HMCN1: variants seen among roughly 807,000 people sequenced by gnomAD.
HMCN1 encodes hemicentin-1.
HMCN1 carries 321 observed loss-of-function variants against 625.9 expected under a neutral mutation model. The ratio of observed to expected loss-of-function variants is 0.51; its 90% confidence interval spans 0.47 to 0.56. The LOEUF (loss-of-function observed/expected upper bound fraction) is 0.56, where lower values mean the gene tolerates loss of function less well. Among genes scored for constraint, HMCN1 ranks in the 20% least tolerant of loss-of-function variants. HMCN1 has a pLI of 0.00. For missense variants in HMCN1, 6,588 were observed against 6,887.3 expected, an observed-to-expected ratio of 0.96 and a Z score of 1.54; for synonymous variants, 2,425 against 2,417.6, an observed-to-expected ratio of 1.00 and a Z score of -0.09.
chr1:186,070,211 T>G (rs1370102351), intron 51 of HMCN1, among the ~76,000 whole-genome samples: 1 of 152,222 alleles, frequency 6.6e-6, no homozygotes, highest in Non-Finnish European at 1.5e-5. Context: ...TTAATGGGAC[T>G]CATATTTCAG....
At chr1:185,899,542 G>A (rs1344657625) in intron 4 of HMCN1, among the ~76,000 whole-genome samples, 1 of 151,934 alleles carries the variant, frequency 6.6e-6, no homozygotes, top group African/African-American at 2.4e-5. Context: ...ATTTCTTAAG[G>A]ACTTCCCAGT....
intron 1 of HMCN1, among the ~76,000 whole-genome samples, chr1:185,741,577 G>C (rs1653995269): frequency 6.6e-6 from 1 of 152,170 alleles, no homozygotes; most frequent in South Asian, 2.1e-4. Flanking sequence ...CTAGCCCTGG[G>C]ACTCCAATGT....
chr1:185,981,704 C>G (rs1455172789), intron 17 of HMCN1, among the ~76,000 whole-genome samples: 1 of 152,068 alleles, frequency 6.6e-6, no homozygotes, highest in Non-Finnish European at 1.5e-5. Flanking sequence ...TACACGTTTT[C>G]CAAGTAAAAT....
chr1:186,098,870 A>T (rs911772690), intron 68 of HMCN1, among the ~76,000 whole-genome samples: 4 of 152,160 alleles, frequency 2.6e-5, no homozygotes, highest in African/African-American at 9.6e-5. Flanking sequence ...TCTGTCATTT[A>T]TGACAACATG....
At chr1:186,175,086 C>T (rs548177095) in intron 103 of HMCN1, among the ~76,000 whole-genome samples, 1 of 152,232 alleles carries the variant, frequency 6.6e-6, no homozygotes, top group South Asian at 2.1e-4. Context: ...TGGATAATTA[C>T]TTTATCATAT....
chr1:185,753,837 T>C (rs1239347250), intron 1 of HMCN1, among the ~76,000 whole-genome samples: 2 of 152,186 alleles, frequency 1.3e-5, no homozygotes, highest in African/African-American at 4.8e-5. Context: ...TGTAAATTAG[T>C]ATAACCATTA....
intron 63 of HMCN1, among the ~76,000 whole-genome samples, chr1:186,089,098 C>G (rs1395891796): frequency 6.6e-6 from 1 of 151,882 alleles, no homozygotes; most frequent in Admixed American, 6.6e-5. Context: ...TCTGTTCTTA[C>G]TTGTATAGAT....
intron 9 of HMCN1, among the ~76,000 whole-genome samples, chr1:185,926,165 A>C (rs1238902498): frequency 6.6e-6 from 1 of 152,220 alleles, no homozygotes; most frequent in East Asian, 1.9e-4. Context: ...TTTTGGGAAA[A>C]TCTCTGGGAA....
At chr1:186,140,379 A>G (rs1332634100) in intron 89 of HMCN1, among the ~76,000 whole-genome samples, 1 of 152,188 alleles carries the variant, frequency 6.6e-6, no homozygotes, top group Non-Finnish European at 1.5e-5. Context: ...TTTAGAGAAG[A>G]CAATTCAATT....
At chr1:185,886,987 T>C (rs950187214) in intron 4 of HMCN1, among the ~76,000 whole-genome samples, 3 of 152,168 alleles carry the variant, frequency 2.0e-5, no homozygotes, top group Admixed American at 6.6e-5. Flanking sequence ...GGCTAGCTTT[T>C]TTCTGCCCCC....
chr1:185,776,423 TAAC>T (rs1656613707), intron 1 of HMCN1, among the ~76,000 whole-genome samples: 3 of 148,812 alleles, frequency 2.0e-5, no homozygotes, highest in Admixed American at 2.0e-4. Context: ...CTTTAAGTAT[TAAC>T]AATAATTGTA....
At chr1:185,749,463 G>A (rs971765534) in intron 1 of HMCN1, among the ~76,000 whole-genome samples, 9 of 152,080 alleles carry the variant, frequency 5.9e-5, no homozygotes, top group Non-Finnish European at 1.2e-4. Context: ...TCTTCAAAGG[G>A]CATCTAATAA....
rs749177556 is a variant in HMCN1, at chr1:186,162,541, G to GT, written c.15257-2564dup. Among the ~76,000 whole-genome samples, 9 of 152,222 alleles carry GT rather than the reference G, an allele frequency of 5.9e-5. No individual in the cohort carries two copies. In the South Asian group the frequency reaches 8.3e-4, roughly 14 times the overall value. On this transcript the variant is annotated intron_variant, in intron 97 of 106. Coordinates refer to ENST00000271588, the MANE Select transcript of HMCN1 (RefSeq NM_031935.3). ...GCTCTGTTTTTTCCCCATCTTTGTG[G>GT]TTTTTTCTACTTTTGGTCTTTGATG... is the stretch of plus-strand genomic sequence containing the variant.
chr1:185,982,503 G>GTTTTTT, intron 18 of HMCN1, 114 bp downstream of exon 18: 2 of 971,622 alleles, frequency 2.1e-6, no homozygotes, highest in Admixed American at 2.2e-5. Flanking sequence ...TGCAGTGGTG[G>GTTTTTT]GATCTAGGCT....
chr1:186,123,342 G>C (rs1661488417), intron 81 of HMCN1, 122 bp downstream of exon 81: 26 of 1,194,358 alleles, frequency 2.2e-5, no homozygotes, highest in Middle Eastern at 2.2e-4. Flanking sequence ...AAGTGTGTGT[G>C]GGGGTGTGGT....
At chr1:185,860,677 T>C (rs1662813604) in intron 2 of HMCN1, among the ~76,000 whole-genome samples, 1 of 152,136 alleles carries the variant, frequency 6.6e-6, no homozygotes, top group Admixed American at 6.6e-5. Context: ...TTGTTAGTTC[T>C]TTCATAAAAG....
At chr1:186,098,077 A>G (rs1375713603) in intron 68 of HMCN1, among the ~76,000 whole-genome samples, 1 of 152,146 alleles carries the variant, frequency 6.6e-6, no homozygotes, top group East Asian at 1.9e-4. Flanking sequence ...AGTTAAATGT[A>G]AGATCCCAAA....
At chr1:186,151,526 C>T (rs1230930884) in intron 94 of HMCN1, 80 bp from the exon 95 acceptor site, 2 of 1,421,760 alleles carry the variant, frequency 1.4e-6, no homozygotes, top group South Asian at 2.4e-5. Context: ...AGAATTCATC[C>T]TTGTGAATAA....
chr1:185,946,272 C>T (rs1668339517), intron 11 of HMCN1, among the ~76,000 whole-genome samples: 1 of 149,502 alleles, frequency 6.7e-6, no homozygotes, highest in East Asian at 2.0e-4. Flanking sequence ...CTGTGTAGAT[C>T]CACTTTCATA....
Sources: allele counts gnomAD v4.1 joint callset (sites outside exome capture counted in the v4.1 genomes callset), GRCh38; gene constraint gnomAD v4.1.1; transcripts MANE v1.5; gene names NCBI Gene and HGNC (gene_info 2026-07-23, HGNC 2026-07-21).